Variants in ABLIM2 observed in about 807,000 individuals in gnomAD.
ABLIM2 encodes the protein actin-binding LIM protein 2.
A neutral mutation model predicts 97.7 loss-of-function variants in ABLIM2; 53 were observed. That is an observed-to-expected ratio of 0.54 (90% CI 0.44 to 0.68). The LOEUF is 0.68. Among genes scored for constraint, ABLIM2 ranks in the 30% least tolerant of loss-of-function variants. The probability of loss-of-function intolerance (pLI) is 0.00; values close to 1 mark genes in which losing one functional copy is unlikely to be tolerated. For missense variants in ABLIM2, 835 were observed against 867.2 expected (o/e 0.96, Z 0.47); for synonymous variants, 361 against 345.8 (o/e 1.04, Z -0.49).
At position 8,029,747 on chromosome 4, in the gene ABLIM2, C is replaced by A. The variant is rs371414088; in HGVS notation, c.1077G>T (p.Gln359His). The change falls in exon 11 of 21, where the codon CAG becomes CAT. Residue 359 changes from glutamine (Q) to histidine (H), a missense_variant. Transcript: ENST00000447017. ...EGDQDDRSYK[Q>H]CRTSSPSSTG... ...TGGAGCTTGGGCTGGAGGTCCGACA[C>A]TGCTTGTAGGACCGGTCATCCTGAT... The A allele has an allele frequency of 1.3e-6, 2 of 1,565,204 alleles. No individual in the cohort carries two copies. Among genetic ancestry groups the A allele is most frequent in the African/African-American group, 2.7e-5 (2 of 73,694 alleles).
intron 1 of ABLIM2, among the ~76,000 whole-genome samples, chr4:8,108,344 G>A (rs57549996): frequency 6.6e-6 from 1 of 152,230 alleles, no homozygotes; most frequent in Non-Finnish European, 1.5e-5. Context: ...CTCATGCCAA[G>A]TTCACCCCGA....
intron 14 of ABLIM2, 122 bp from the exon 15 acceptor site, chr4:8,009,224 T>C: frequency 8.3e-7 from 1 of 1,201,038 alleles, no homozygotes; most frequent in Middle Eastern, 1.9e-4. Flanking sequence ...AGGTCAGTAG[T>C]ACGAGTGCCT....
rs772599189 is a variant in ABLIM2, at chr4:7,983,512, G to C, written c.1743+35C>G. On this transcript the variant is annotated intron_variant, in intron 19 of 20. Coordinates refer to ENST00000447017, the MANE Select transcript of ABLIM2 (RefSeq NM_001130083.2). The stretch of plus-strand genomic sequence containing the variant: ...CTTTTAACCTGGGCAGGTGTGGCGC[G>C]GCACGGAGGTCAGTGTGGGAGCGGC... The C allele has an allele frequency of 1.2e-5, 19 of 1,612,370 alleles. No homozygotes were observed. The South Asian group carries it at 2.1e-4, about 18-fold the overall frequency.
chr4:7,992,989 G>A lies in ABLIM2; in HGVS notation c.1619-62C>T. The stretch of plus-strand genomic sequence containing the variant: ...GACTCGGTGCAGCAATGGGGGTGCA[G>A]CCCTGGGGGGGCTTCCCACCGGGGT... On this transcript the variant is annotated intron_variant, in intron 16 of 20. Coordinates refer to ENST00000447017, the MANE Select transcript of ABLIM2 (RefSeq NM_001130083.2). This position sits in a 1 kb window ranked among gnomAD's most constrained non-coding sequence, Gnocchi z 5.7. The A allele has an allele frequency of 6.4e-7, 1 of 1,560,020 alleles. No individual in the cohort carries two copies. Among genetic ancestry groups the A allele is most frequent in the Non-Finnish European group, 8.8e-7 (1 of 1,139,404 alleles).
At chr4:7,995,812 C>T (rs936997015) in intron 16 of ABLIM2, among the ~76,000 whole-genome samples, 4 of 152,262 alleles carry the variant, frequency 2.6e-5, no homozygotes, top group East Asian at 3.9e-4. Flanking sequence ...GGGCGGGGGT[C>T]GGGGGCCAGA....
rs751366512 is a variant in ABLIM2, at chr4:8,128,123, G to A, written c.11-21486C>T. Among the ~76,000 whole-genome samples, 124 of 152,186 alleles carry A rather than the reference G, an allele frequency of 8.1e-4. 7 individuals are homozygous for A. The highest frequency in any genetic ancestry group is 2.1e-4 in the South Asian group (1 of 4,828). On this transcript the variant is annotated intron_variant, in intron 1 of 20. Coordinates refer to ENST00000447017, the MANE Select transcript of ABLIM2 (RefSeq NM_001130083.2). The surrounding 1 kb of genome is among the most constrained non-coding windows in gnomAD (Gnocchi z 4.9). Reference sequence around the variant, plus strand: ...CTTCCCGCTGCTGGTGGCTCCAGGCGCCCTTTGGTATGTGGCTTCAGGGCT... The same window carrying A: ...CTTCCCGCTGCTGGTGGCTCCAGGCACCCTTTGGTATGTGGCTTCAGGGCT...
intron 6 of ABLIM2, among the ~76,000 whole-genome samples, chr4:8,063,334 A>G (rs1338644304): frequency 6.6e-6 from 1 of 152,136 alleles, no homozygotes; most frequent in Non-Finnish European, 1.5e-5. Context: ...CAAAGTGCTG[A>G]GATTATAGGC....
chr4:7,984,932 G>A lies in ABLIM2; in HGVS notation c.1681-39C>T, dbSNP rs141991543. On this transcript the variant is annotated intron_variant, in intron 17 of 20. Coordinates refer to ENST00000447017, the MANE Select transcript of ABLIM2 (RefSeq NM_001130083.2). The stretch of plus-strand genomic sequence containing the variant: ...AGAGGTTGGGCGGCAAGAGACAGGC[G>A]GCACGAGGGTGTGTGGATGGGCAGG... 1,026 of 1,595,504 alleles carry A rather than the reference G, an allele frequency of 6.4e-4. 8 individuals carry two copies. The East Asian group carries it at 0.014, about 22-fold the overall frequency.
At position 8,080,737 on chromosome 4, in the gene ABLIM2, G is replaced by A. The variant is rs746805093; in HGVS notation, c.520C>T (p.His174Tyr). The change falls in exon 5 of 21, where the codon CAC becomes TAC. Residue 174 changes from histidine (H) to tyrosine (Y), a missense_variant. His to Tyr is a moderately conservative substitution (Grantham distance 83, BLOSUM62 2). Coordinates refer to ENST00000447017, the MANE Select transcript of ABLIM2 (RefSeq NM_001130083.2). ...CTCTTGCACTTAAAACAGCCCAAGT[G>A]CCAGTGCTTGTCCAAGGCTACCAGG... ...QALVALDKHW[H>Y]LGCFKCKSCG... 6 of 1,613,012 alleles carry A rather than the reference G, an allele frequency of 3.7e-6. No homozygotes were observed. The Admixed American group carries it at 1.0e-4, about 27-fold the overall frequency.
intron 7 of ABLIM2, among the ~76,000 whole-genome samples, chr4:8,055,552 G>T (rs750887162): frequency 6.6e-6 from 1 of 152,220 alleles, no homozygotes; most frequent in South Asian, 2.1e-4. Context: ...TTGCTCCCAC[G>T]AAGGTGAGGG....
chr4:8,026,098 G>A (rs1263216328), intron 12 of ABLIM2, among the ~76,000 whole-genome samples: 1 of 152,186 alleles, frequency 6.6e-6, no homozygotes, highest in African/African-American at 2.4e-5. Flanking sequence ...GCTTCAAACT[G>A]CTGGCCGAAG....
Position 8,001,071 on chromosome 4 carries a change from G to T in ABLIM2, c.1618+6988C>A, listed in dbSNP as rs1443976050. On this transcript the variant is annotated intron_variant, in intron 16 of 20. Transcript: ENST00000447017. This position sits in a 1 kb window ranked among gnomAD's most constrained non-coding sequence, Gnocchi z 4.2. ...ACGGGCAGGAGGTTTGGAGGCTGTG[G>T]CACTGCACAGGTTCGGGTCCCCTCT... 6.6e-6 allele frequency among the ~76,000 whole-genome samples: 1 copy of T among 152,232 alleles called. No homozygotes were observed. Among genetic ancestry groups the T allele is most frequent in the Non-Finnish European group, 1.5e-5 (1 of 68,034 alleles).
At chr4:8,089,078 A>G (rs1825631081) in intron 3 of ABLIM2, among the ~76,000 whole-genome samples, 1 of 152,238 alleles carries the variant, frequency 6.6e-6, no homozygotes, top group African/African-American at 2.4e-5. Context: ...TCGCATTAAA[A>G]TATCATTTAC....
At chr4:8,020,554 G>T in intron 12 of ABLIM2, 1 of 600,498 alleles carries the variant, frequency 1.7e-6, no homozygotes, top group Non-Finnish European at 3.0e-6. Context: ...ATTGCTGAGG[G>T]CAGAGGGCTG....
rs72488937 is a variant in ABLIM2, at chr4:8,001,158, T to C, written c.1618+6901A>G. On this transcript the variant is annotated intron_variant, in intron 16 of 20. Transcript: ENST00000447017. This position sits in a 1 kb window ranked among gnomAD's most constrained non-coding sequence, Gnocchi z 4.2. Reference sequence around the variant, plus strand: ...CCCCTCATCCCTGAGCAGCGGTGAATGAAATGCTGGTTCAGCTGGACTGGG... The same window carrying C: ...CCCCTCATCCCTGAGCAGCGGTGAACGAAATGCTGGTTCAGCTGGACTGGG... 0.15 allele frequency among the ~76,000 whole-genome samples: 23,165 copies of C among 152,098 alleles called. 2,341 individuals carry two copies. Among genetic ancestry groups the C allele is most frequent in the African/African-American group, 0.29 (11,902 of 41,468 alleles).
At chr4:8,153,240 A>C (rs1163278570) in intron 1 of ABLIM2, among the ~76,000 whole-genome samples, 1 of 152,212 alleles carries the variant, frequency 6.6e-6, no homozygotes, top group African/African-American at 2.4e-5. Flanking sequence ...CTTTTCCATG[A>C]GTCAGGGACA....
rs557561304 is a variant in ABLIM2, at chr4:8,062,866, C to A, written c.676-1812G>T. 1.1e-3 allele frequency among the ~76,000 whole-genome samples: 163 copies of A among 152,294 alleles called. 1 individual carries two copies. The highest frequency in any genetic ancestry group is 2.1e-3 in the Non-Finnish European group (140 of 68,036). ...GCTCACTGCATTCATAATGAGTATTCCTGAGTTTGTGGCCTGTGACCTGTC... is the reference window on the plus strand; with the variant it reads ...GCTCACTGCATTCATAATGAGTATTACTGAGTTTGTGGCCTGTGACCTGTC... On this transcript the variant is annotated intron_variant, in intron 6 of 20. Coordinates refer to ENST00000447017, the MANE Select transcript of ABLIM2 (RefSeq NM_001130083.2).
At chr4:8,065,108 C>T (rs1349939935) in intron 6 of ABLIM2, among the ~76,000 whole-genome samples, 1 of 152,098 alleles carries the variant, frequency 6.6e-6, no homozygotes, top group Non-Finnish European at 1.5e-5. Context: ...AAAAATTAGC[C>T]AGGCATGGTG....
At position 8,069,014 on chromosome 4, in the gene ABLIM2, G is replaced by A. The variant is rs1370570566; in HGVS notation, c.676-7960C>T. Among the ~76,000 whole-genome samples, 1 of 152,276 alleles carries A rather than the reference G, an allele frequency of 6.6e-6. No individual in the cohort carries two copies. The highest frequency in any genetic ancestry group is 6.5e-5 in the Admixed American group (1 of 15,292). ...AGAAAGAAGGGCCCCACTCTGAGCA[G>A]TGCCCAGCAAGGCCCCTTGAGATCT... is the stretch of plus-strand genomic sequence containing the variant. On this transcript the variant is annotated intron_variant, in intron 6 of 20. Transcript: ENST00000447017. This position sits in a 1 kb window ranked among gnomAD's most constrained non-coding sequence, Gnocchi z 4.2.
Sources: allele counts gnomAD v4.1 joint callset (sites outside exome capture counted in the v4.1 genomes callset), GRCh38; gene constraint gnomAD v4.1.1; non-coding constraint Gnocchi (gnomAD v3.1); transcripts MANE v1.5; gene names NCBI Gene and HGNC (gene_info 2026-07-23, HGNC 2026-07-21).